The following OGFOD3 variants were observed in gnomAD, a reference collection of about 807,000 sequenced individuals.
OGFOD3 encodes 2-oxoglutarate and iron-dependent oxygenase domain-containing protein 3.
OGFOD3 carries 35 observed loss-of-function variants against 39.8 expected under a neutral mutation model. That is an observed-to-expected ratio of 0.88 (90% CI 0.67 to 1.17). The LOEUF (loss-of-function observed/expected upper bound fraction) is 1.17, where lower values mean the gene tolerates loss of function less well. OGFOD3 is among the 50% of genes most tolerant of loss of function. The pLI, the probability that OGFOD3 is intolerant of heterozygous loss-of-function variation, is 0.00. For synonymous variants in OGFOD3, 200 were observed against 192.0 expected (o/e 1.04, Z -0.34); for missense variants, 438 against 454.5 (o/e 0.96, Z 0.33).
At chr17:82,400,019 C>CTTGA (rs2052736968) in intron 7 of OGFOD3, among the ~76,000 whole-genome samples, 1 of 152,210 alleles carries the variant, frequency 6.6e-6, no homozygotes, top group African/African-American at 2.4e-5. Context: ...GGAGAGAGCC[C>CTTGA]AGGCTTGAAG....
chr17:82,402,474 T>C (rs2052782468), intron 7 of OGFOD3, among the ~76,000 whole-genome samples: 1 of 148,292 alleles, frequency 6.7e-6, no homozygotes, highest in African/African-American at 2.5e-5. Flanking sequence ...AGGCTGGGCA[T>C]GGTAGCTCAC....
At chr17:82,408,398 A>T (rs761603746) in intron 4 of OGFOD3, among the ~76,000 whole-genome samples, 17 of 152,172 alleles carry the variant, frequency 1.1e-4, no homozygotes, top group Non-Finnish European at 2.2e-4. Flanking sequence ...CCCTGAGGAA[A>T]CCGCATGGGA....
At position 82,392,603 on chromosome 17, in the gene OGFOD3, C is replaced by T. The variant is rs977134793; in HGVS notation, c.824-69G>A. On this transcript the variant is annotated intron_variant, in intron 8 of 8. Transcript: ENST00000313056. This position sits in a 1 kb window ranked among gnomAD's most constrained non-coding sequence, Gnocchi z 4.2. ...ACGGCCACAGCCTTCAGAGGGTCTG[C>T]GGTCACCTGAAAGAGCAACTATAAC... is the stretch of plus-strand genomic sequence containing the variant. 5 of 1,512,726 alleles carry T rather than the reference C, an allele frequency of 3.3e-6. No homozygotes were observed. The highest frequency in any genetic ancestry group is 2.2e-5 in the Admixed American group (1 of 46,154). 93.7% of individuals were successfully genotyped at this position (1,512,726 alleles called of 1,614,324 possible).
chr17:82,406,346 C>G lies in OGFOD3; in HGVS notation c.488+72G>C. On this transcript the variant is annotated intron_variant, in intron 5 of 8. Transcript: ENST00000313056. The surrounding 1 kb of genome is among the most constrained non-coding windows in gnomAD (Gnocchi z 5.2). ...CTCACATGTCCACGTGTCCACATGT[C>G]CATGGCTAAGAGGCACGGAGCCGCT... 7.2e-7 allele frequency: 1 copy of G among 1,386,820 alleles called. No individual in the cohort carries two copies. The highest frequency in any genetic ancestry group is 1.0e-6 in the Non-Finnish European group (1 of 977,010). 85.9% of individuals were successfully genotyped at this position (1,386,820 alleles called of 1,614,324 possible).
At chr17:82,408,201 A>G (rs1157128983) in intron 4 of OGFOD3, among the ~76,000 whole-genome samples, 3 of 152,240 alleles carry the variant, frequency 2.0e-5, no homozygotes, top group African/African-American at 7.2e-5. Context: ...GAGTTTGCAG[A>G]AAAAAGTCAC....
In OGFOD3 at chr17:82,404,217, C is replaced by A; in HGVS notation, c.546-127G>T. ...TCCGGGCCCGCGGGGCGGGGGCTCC[C>A]AAGCACACCGGGAACAGATACCGGC... On this transcript the variant is annotated intron_variant, in intron 6 of 8. Transcript: ENST00000313056. The surrounding 1 kb of genome is among the most constrained non-coding windows in gnomAD (Gnocchi z 4.5). 1 of 1,073,608 alleles carries A rather than the reference C, an allele frequency of 9.3e-7. No homozygotes were observed. The highest frequency in any genetic ancestry group is 2.9e-5 in the Admixed American group (1 of 34,562). The allele number at this position is 1,073,608 out of a possible 1,614,324, so 66.5% of individuals were successfully genotyped here.
chr17:82,404,278 C>T lies in OGFOD3; in HGVS notation c.546-188G>A, dbSNP rs549380776. 5.3e-5 allele frequency among the ~76,000 whole-genome samples: 8 copies of T among 152,318 alleles called. No individual in the cohort carries two copies. Among genetic ancestry groups the T allele is most frequent in the African/African-American group, 1.9e-4 (8 of 41,582 alleles). ...AACGACGCGGCCCACAGCCCACGCA[C>T]AGAGCAGCCAGAGGCAGGCGCAAGA... On this transcript the variant is annotated intron_variant, in intron 6 of 8. Coordinates refer to ENST00000313056, the MANE Select transcript of OGFOD3 (RefSeq NM_024648.3). The surrounding 1 kb of genome is among the most constrained non-coding windows in gnomAD (Gnocchi z 4.5).
At chr17:82,397,014 G>T (rs543906722) in intron 8 of OGFOD3, among the ~76,000 whole-genome samples, 1 of 152,322 alleles carries the variant, frequency 6.6e-6, no homozygotes, top group East Asian at 1.9e-4. Flanking sequence ...CCAGCCTGTG[G>T]CCAGGGAGCA....
chr17:82,408,581 C>T (rs1033896749), intron 4 of OGFOD3, among the ~76,000 whole-genome samples: 3 of 147,286 alleles, frequency 2.0e-5, no homozygotes, highest in South Asian at 2.3e-4. Context: ...AGTCTAAAAT[C>T]GAGGTGTGGG....
At position 82,415,642 on chromosome 17, in the gene OGFOD3, C is replaced by T; in HGVS notation, c.75-15G>A. The stretch of plus-strand genomic sequence containing the variant: ...CCTTCTTGGTGCTGAGAACAGAAAA[C>T]AGGCCACGTCACCCAAACACGGAGT... On this transcript the variant is annotated splice_polypyrimidine_tract_variant and intron_variant, in intron 1 of 8. Coordinates refer to ENST00000313056, the MANE Select transcript of OGFOD3 (RefSeq NM_024648.3). This position sits in a 1 kb window ranked among gnomAD's most constrained non-coding sequence, Gnocchi z 5.3. 6.3e-7 allele frequency: 1 copy of T among 1,594,198 alleles called. No homozygotes were observed. Among genetic ancestry groups the T allele is most frequent in the Non-Finnish European group, 8.6e-7 (1 of 1,167,356 alleles).
Position 82,392,049 on chromosome 17 carries a change from GCCGGGGGGTTGCTGAACCTGGACGAGTC to G in OGFOD3, c.*321_*348del. On this transcript the variant is annotated 3_prime_UTR_variant, in exon 9 of 9. Transcript: ENST00000313056. The surrounding 1 kb of genome is among the most constrained non-coding windows in gnomAD (Gnocchi z 4.2). Reference sequence around the variant, plus strand: ...TGATGCTTTAGCCAGTCTTTGATGGGCCGGGGGGTTGCTGAACCTGGACGAGTCCCGGGGGGTTGCTGAACCTGGGTGG... The same window carrying G: ...TGATGCTTTAGCCAGTCTTTGATGGGCCGGGGGGTTGCTGAACCTGGGTGG... The G allele has an allele frequency of 3.4e-5, 10 of 293,642 alleles. No homozygotes were observed. The highest frequency in any genetic ancestry group is 5.1e-5 in the Non-Finnish European group (8 of 157,464). The allele number at this position is 293,642 out of a possible 1,614,324, so 18.2% of individuals were successfully genotyped here.
At chr17:82,412,004 GA>G (rs2052954102) in intron 2 of OGFOD3, among the ~76,000 whole-genome samples, 1 of 69,780 alleles carries the variant, frequency 1.4e-5, no homozygotes, top group Non-Finnish European at 3.0e-5. Flanking sequence ...CACCAGAGCA[GA>G]AAACCCTCCT....
At chr17:82,414,635 C>A (rs2053003542) in intron 2 of OGFOD3, among the ~76,000 whole-genome samples, 1 of 152,208 alleles carries the variant, frequency 6.6e-6, no homozygotes, top group Non-Finnish European at 1.5e-5. Flanking sequence ...TCCCTCCCTG[C>A]GGCGCGGCTG....
In OGFOD3 at chr17:82,392,349, G is replaced by A. The variant is rs199943451; in HGVS notation, c.*49C>T. 4.6e-5 allele frequency: 73 copies of A among 1,585,306 alleles called. 1 individual carries two copies. The African/African-American group carries it at 6.6e-4, about 14-fold the overall frequency. ...GTGGGGGTGGGTGCACGACTGGCGC[G>A]GCTGCCTCCACACGGGCCCTCCTGA... On this transcript the variant is annotated 3_prime_UTR_variant, in exon 9 of 9. Transcript: ENST00000313056. The surrounding 1 kb of genome is among the most constrained non-coding windows in gnomAD (Gnocchi z 4.2).
Position 82,411,490 on chromosome 17 carries a change from G to C in OGFOD3, c.345C>G (p.Val115=). The C allele has an allele frequency of 3.7e-6, 6 of 1,614,140 alleles. No homozygotes were observed. Among genetic ancestry groups the C allele is most frequent in the Non-Finnish European group, 5.1e-6 (6 of 1,180,026 alleles). ...GCTCCGCTTCCTCCCTGGTGATGACGACATCGGTGACACCTCTGCCGCACT... is the reference window on the plus strand; with the variant it reads ...GCTCCGCTTCCTCCCTGGTGATGACCACATCGGTGACACCTCTGCCGCACT... The part of the protein sequence containing the change: ...PRKCGRGVTD[V]VITREEAERI... The change falls in exon 3 of 9, where the codon GTC becomes GTG. Residue 115 remains valine, a synonymous_variant. Transcript: ENST00000313056.
chr17:82,398,717 G>A lies in OGFOD3; in HGVS notation c.700-398C>T, dbSNP rs567975080. Reference sequence around the variant, plus strand: ...CCCAGCCTCTTTTTTTTTTTAATAGGGTATCGCTTTTTTTACAGACAGCAT... The same window carrying A: ...CCCAGCCTCTTTTTTTTTTTAATAGAGTATCGCTTTTTTTACAGACAGCAT... On this transcript the variant is annotated intron_variant, in intron 7 of 8. Transcript: ENST00000313056. 2.3e-4 allele frequency among the ~76,000 whole-genome samples: 35 copies of A among 150,928 alleles called. No individual in the cohort carries two copies. The South Asian group carries it at 7.1e-3, about 31-fold the overall frequency.
At chr17:82,405,512 A>G (rs1226832178) in intron 5 of OGFOD3, 132 bp from the exon 6 acceptor site, 3 of 773,188 alleles carry the variant, frequency 3.9e-6, no homozygotes, top group Non-Finnish European at 2.2e-6. Flanking sequence ...TTCCACAATG[A>G]TAACTGCTAT....
At chr17:82,396,725 AG>A (rs1290189310) in intron 8 of OGFOD3, 1 of 152,192 alleles carries the variant, frequency 6.6e-6, no homozygotes. Context: ...GTGCTCTGTG[AG>A]TTTTTCATTT....
intron 2 of OGFOD3, among the ~76,000 whole-genome samples, chr17:82,411,894 C>A (rs1215819292): frequency 6.6e-6 from 1 of 152,134 alleles, no homozygotes; most frequent in African/African-American, 2.4e-5. Context: ...ACCACCAGAG[C>A]AGAAAACCCT....
Sources: allele counts gnomAD v4.1 joint callset (sites outside exome capture counted in the v4.1 genomes callset), GRCh38; gene constraint gnomAD v4.1.1; non-coding constraint Gnocchi (gnomAD v3.1); transcripts MANE v1.5; gene names NCBI Gene and HGNC (gene_info 2026-07-23, HGNC 2026-07-21).